Variants in OSMR observed in about 807,000 individuals in gnomAD.
OSMR encodes the protein oncostatin-M-specific receptor subunit beta.
A neutral mutation model predicts 99.9 loss-of-function variants in OSMR; 81 were observed. The ratio of observed to expected loss-of-function variants is 0.81; its 90% CI spans 0.68 to 0.97. OSMR has a LOEUF of 0.97. Among genes scored for constraint, OSMR ranks in the 50% least tolerant of loss-of-function variants. The pLI is 0.00. For missense variants in OSMR, 1,099 were observed against 1,153.4 expected (o/e 0.95, Z 0.68); for synonymous variants, 406 against 410.4 (o/e 0.99, Z 0.13).
chr5:38,908,981 C>A (rs114604015), intron 9 of OSMR, among the ~76,000 whole-genome samples: 4,713 of 152,116 alleles, frequency 0.031, 243 homozygotes, highest in African/African-American at 0.11. Flanking sequence ...TCATCAACAT[C>A]CAAGAGAAAG....
chr5:38,869,396 G>T (rs960079265), intron 2 of OSMR, among the ~76,000 whole-genome samples: 1 of 152,110 alleles, frequency 6.6e-6, no homozygotes, highest in Non-Finnish European at 1.5e-5. Flanking sequence ...TAATCCCATA[G>T]AATTTCATGA....
chr5:38,933,832 A>G lies in OSMR; in HGVS notation c.*388A>G, dbSNP rs1306571503. On this transcript the variant is annotated 3_prime_UTR_variant, in exon 18 of 18. Transcript: ENST00000274276. ...TGAGGAAATATTTCCATTAACAGCA[A>G]TTATTATATTGAAGGCTTTAATAAA... 2 of 201,380 alleles carry G rather than the reference A, an allele frequency of 9.9e-6. No homozygotes were observed. Among genetic ancestry groups the G allele is most frequent in the Non-Finnish European group, 2.0e-5 (2 of 98,182 alleles). The allele number at this position is 201,380 out of a possible 1,614,324, so 12.5% of individuals were successfully genotyped here.
intron 2 of OSMR, among the ~76,000 whole-genome samples, chr5:38,870,020 G>T (rs1326831542): frequency 6.6e-6 from 1 of 151,746 alleles, no homozygotes; most frequent in Non-Finnish European, 1.5e-5. Context: ...GAAACTCCAT[G>T]AAAATATATT....
intron 16 of OSMR, 84 bp from the exon 17 acceptor site, chr5:38,932,379 G>A: frequency 1.0e-6 from 1 of 962,054 alleles, no homozygotes; most frequent in East Asian, 2.4e-5. Flanking sequence ...AGGATTAGAA[G>A]CCAGGAATCT....
intron 1 of OSMR, among the ~76,000 whole-genome samples, chr5:38,862,453 G>A (rs1247087100): frequency 2.0e-5 from 3 of 150,712 alleles, no homozygotes; most frequent in Non-Finnish European, 4.4e-5. Flanking sequence ...ACGGGTGGCT[G>A]CTGGGCTGAG....
At chr5:38,926,044 A>T (rs1337666440) in intron 15 of OSMR, among the ~76,000 whole-genome samples, 1 of 152,232 alleles carries the variant, frequency 6.6e-6, no homozygotes. Context: ...TGATGGAAAA[A>T]TTTATTCTCA....
chr5:38,862,825 G>A (rs1171363748), intron 1 of OSMR, among the ~76,000 whole-genome samples: 1 of 151,096 alleles, frequency 6.6e-6, no homozygotes, highest in Non-Finnish European at 1.5e-5. Context: ...CTGGGAGGTG[G>A]AGGTTGTAGC....
chr5:38,880,628 C>A (rs1254528893), intron 3 of OSMR, among the ~76,000 whole-genome samples: 1 of 152,162 alleles, frequency 6.6e-6, no homozygotes, highest in Non-Finnish European at 1.5e-5. Flanking sequence ...AGGACAGATC[C>A]CCATACAGCA....
chr5:38,851,202 C>A (rs1480244646), intron 1 of OSMR, among the ~76,000 whole-genome samples: 2 of 152,152 alleles, frequency 1.3e-5, no homozygotes, highest in Non-Finnish European at 2.9e-5. Context: ...AAAACATGCA[C>A]ACACACACGT....
chr5:38,935,763 A>T (rs1395564520), downstream of OSMR: 3 of 152,166 alleles, frequency 2.0e-5, no homozygotes, highest in Middle Eastern at 3.2e-3. Flanking sequence ...CAAACCTCTT[A>T]ATCAGAATCT....
At chr5:38,922,112 G>A (rs1452750822) in intron 12 of OSMR, among the ~76,000 whole-genome samples, 2 of 152,212 alleles carry the variant, frequency 1.3e-5, no homozygotes, top group African/African-American at 4.8e-5. Flanking sequence ...TACAAAAGCA[G>A]AGACTTGCAT....
intron 7 of OSMR, chr5:38,903,622 A>G (rs920188612): frequency 5.2e-5 from 13 of 249,822 alleles, no homozygotes; most frequent in African/African-American, 2.8e-4. Context: ...CCCCTTCCCA[A>G]TTTGCCTACT....
intron 9 of OSMR, among the ~76,000 whole-genome samples, chr5:38,911,243 G>A (rs1745558325): frequency 6.6e-6 from 1 of 152,132 alleles, no homozygotes; most frequent in African/African-American, 2.4e-5. Flanking sequence ...AAATGTTAGA[G>A]GACATTACCA....
chr5:38,884,123 A>G lies in OSMR; in HGVS notation c.703+12A>G. The G allele has an allele frequency of 6.3e-7, 1 of 1,591,470 alleles. No individual in the cohort carries two copies. The highest frequency in any genetic ancestry group is 8.6e-7 in the Non-Finnish European group (1 of 1,159,308). ...TCTTTTTGTCTCAAGTAAGTGTGCA[A>G]ATTCTCTGTGGCCCTTTCTTCTCAT... On this transcript the variant is annotated intron_variant, in intron 5 of 17. Coordinates refer to ENST00000274276, the MANE Select transcript of OSMR (RefSeq NM_003999.3).
At chr5:38,924,713 T>C in intron 14 of OSMR, 118 bp downstream of exon 14, 1 of 915,958 alleles carries the variant, frequency 1.1e-6, no homozygotes. Flanking sequence ...CTTGCATGGC[T>C]TTATACTGGA....
chr5:38,862,058 GC>G (rs1388755948), intron 1 of OSMR, among the ~76,000 whole-genome samples: 1 of 102,862 alleles, frequency 9.7e-6, no homozygotes, highest in Non-Finnish European at 2.0e-5. Context: ...GGGCAGAGGC[GC>G]CCCTCACCTC....
In OSMR at chr5:38,918,971, C is replaced by G; in HGVS notation, c.1494C>G (p.Asp498Glu). The G allele has an allele frequency of 1.2e-6, 2 of 1,614,154 alleles. No individual in the cohort carries two copies. Among genetic ancestry groups the G allele is most frequent in the Non-Finnish European group, 1.7e-6 (2 of 1,180,002 alleles). Reference sequence around the variant, plus strand: ...CCAACAGCACAAAACTAATCCTTGACAGGTGTTCCTACCAAATCTGCGTCA... The same window carrying G: ...CCAACAGCACAAAACTAATCCTTGAGAGGTGTTCCTACCAAATCTGCGTCA... ...APANSTKLIL[D>E]RCSYQICVIA... The change falls in exon 11 of 18, where the codon GAC becomes GAG. Residue 498 changes from aspartate to glutamate, a missense_variant. Physicochemically the swap from Asp to Glu is conservative, Grantham distance 45. Transcript: ENST00000274276.
intron 7 of OSMR, among the ~76,000 whole-genome samples, chr5:38,899,043 C>T (rs1292302153): frequency 6.8e-6 from 1 of 147,018 alleles, no homozygotes; most frequent in African/African-American, 2.6e-5. Context: ...TCACTGCAAC[C>T]TCCACTTCCC....
chr5:38,919,061 C>CAGTG lies in OSMR; in HGVS notation c.1585+3_1585+6dup, dbSNP rs777445896. On this transcript the variant is annotated frameshift_variant and splice_region_variant, in exon 11 of 18. Transcript: ENST00000274276. LOFTEE classifies it high-confidence loss of function. ...TAGTCATCTCTGCAGACCCCGAAAA[C>CAGTG]AGTGAGTTTGTTTTCATTTTCTTTT... The CAGTG allele has an allele frequency of 6.2e-7, 1 of 1,614,004 alleles. No individual in the cohort carries two copies. The highest frequency in any genetic ancestry group is 1.1e-5 in the South Asian group (1 of 91,076).
Sources: gnomAD v4.1 joint callset for allele counts (sites outside exome capture counted in the v4.1 genomes callset) on GRCh38, gnomAD v4.1.1 for gene constraint, MANE v1.5 for transcripts, NCBI Gene and HGNC (gene_info 2026-07-23, HGNC 2026-07-21) for gene names.